DPP6: variants seen among roughly 807,000 people sequenced by gnomAD.
DPP6 encodes the protein dipeptidyl peptidase like 6.
Under a neutral mutation model 122.6 loss-of-function variants are expected in DPP6, and 69 were observed. The observed-to-expected ratio is 0.56, with a 90% confidence interval of 0.46 to 0.69. The LOEUF is 0.69. Among genes scored for constraint, DPP6 ranks in the 30% least tolerant of loss-of-function variants. The pLI is 0.00. For missense variants in DPP6, 928 were observed against 1,116.9 expected (o/e 0.83, Z 2.41); for synonymous variants, 418 against 433.1 (o/e 0.97, Z 0.43).
At chr7:154,477,025 A>C (rs368138192) in intron 3 of DPP6, among the ~76,000 whole-genome samples, 74 of 152,074 alleles carry the variant, frequency 4.9e-4, no homozygotes, top group African/African-American at 1.6e-3. Flanking sequence ...GCTGCGGTTA[A>C]CTGTAATCAT....
intron 22 of DPP6, 25 bp downstream of exon 22, chr7:154,885,769 G>T (rs370751574): frequency 7.0e-6 from 11 of 1,560,628 alleles, no homozygotes; most frequent in South Asian, 1.2e-5. Context: ...AGGACCAAGC[G>T]ACGGGCTCTG....
chr7:153,791,700 A>G, the DPP6 span, among the ~76,000 whole-genome samples: 246 of 152,244 alleles, frequency 1.6e-3, no homozygotes, highest in African/African-American at 5.3e-3. Flanking sequence ...GATTACAGGC[A>G]TGAGCCACTG....
the DPP6 span, among the ~76,000 whole-genome samples, chr7:153,860,392 G>A: frequency 1.3e-5 from 2 of 152,100 alleles, no homozygotes; most frequent in African/African-American, 4.8e-5. Context: ...TTTGGCCAGT[G>A]GGAGGCACTG....
intron 1 of DPP6, among the ~76,000 whole-genome samples, chr7:154,330,934 T>C (rs1309610238): frequency 6.6e-6 from 1 of 152,194 alleles, no homozygotes; most frequent in Non-Finnish European, 1.5e-5. Context: ...TCTGTTGCAT[T>C]CTCCAGCTCC....
chr7:154,365,649 T>A (rs552456789), intron 1 of DPP6, among the ~76,000 whole-genome samples: 166 of 152,288 alleles, frequency 1.1e-3, no homozygotes, highest in African/African-American at 3.9e-3. Context: ...ACATTCACCG[T>A]CCTTCTTAAA....
intron 1 of DPP6, among the ~76,000 whole-genome samples, chr7:154,287,949 A>G (rs1350217938): frequency 3.9e-5 from 6 of 152,214 alleles, no homozygotes; most frequent in Non-Finnish European, 7.3e-5. Flanking sequence ...TCACTGCAAT[A>G]GTCTTTCTTC....
At chr7:153,842,575 C>T in the DPP6 span, among the ~76,000 whole-genome samples, 287 of 152,028 alleles carry the variant, frequency 1.9e-3, 2 homozygotes, top group African/African-American at 6.6e-3. Context: ...TCTTAATTAC[C>T]TCATAATCAT....
intron 1 of DPP6, among the ~76,000 whole-genome samples, chr7:154,414,374 A>C (rs772464389): frequency 2.0e-5 from 3 of 152,230 alleles, no homozygotes; most frequent in Admixed American, 6.5e-5. Context: ...GAATCAATCA[A>C]TCAATCGTAC....
intron 11 of DPP6, among the ~76,000 whole-genome samples, chr7:154,794,934 G>A (rs1797947840): frequency 6.7e-6 from 1 of 148,614 alleles, no homozygotes; most frequent in South Asian, 2.1e-4. Context: ...TCCTGGCTGA[G>A]GGGGGCCAAG....
At chr7:154,093,350 A>G (rs1195222046) in intron 1 of DPP6, among the ~76,000 whole-genome samples, 4 of 147,296 alleles carry the variant, frequency 2.7e-5, no homozygotes, top group Admixed American at 6.9e-5. Flanking sequence ...TACACAGCAT[A>G]CACATGCATG....
At chr7:154,858,093 A>C (rs1387474792) in intron 17 of DPP6, 1 of 152,248 alleles carries the variant, frequency 6.6e-6, no homozygotes, top group Non-Finnish European at 1.5e-5. Flanking sequence ...AGGGGGCCAG[A>C]GAAAGGCTGG....
intron 1 of DPP6, among the ~76,000 whole-genome samples, chr7:153,994,693 A>G (rs1797344134): frequency 6.6e-6 from 1 of 152,220 alleles, no homozygotes; most frequent in African/African-American, 2.4e-5. Context: ...TAAAATTTTA[A>G]TTTCATGAGA....
chr7:154,724,534 A>G (rs1398024788), intron 7 of DPP6, among the ~76,000 whole-genome samples: 19 of 151,726 alleles, frequency 1.3e-4, no homozygotes, highest in Non-Finnish European at 2.5e-4. Flanking sequence ...CTGCCTCCAT[A>G]CTCATCTTCA....
intron 1 of DPP6, among the ~76,000 whole-genome samples, chr7:154,438,264 G>A (rs1161433194): frequency 1.3e-5 from 2 of 151,864 alleles, no homozygotes; most frequent in Non-Finnish European, 2.9e-5. Flanking sequence ...TCAGGAGATC[G>A]AGACCATCCT....
At chr7:154,309,020 A>C (rs1254643661) in intron 1 of DPP6, among the ~76,000 whole-genome samples, 1 of 152,216 alleles carries the variant, frequency 6.6e-6, no homozygotes, top group East Asian at 1.9e-4. Context: ...TGTGTCACAA[A>C]ATCAGAGTTG....
At chr7:154,796,015 C>G in intron 12 of DPP6, 132 bp downstream of exon 12, 1 of 1,374,764 alleles carries the variant, frequency 7.3e-7, no homozygotes, top group East Asian at 2.6e-5. Flanking sequence ...CAGAAACAGA[C>G]GGCGTGCCGG....
At chr7:153,923,780 A>AAAG (rs1236817339) in intron 1 of DPP6, among the ~76,000 whole-genome samples, 1 of 151,054 alleles carries the variant, frequency 6.6e-6, no homozygotes, top group Admixed American at 6.6e-5. Context: ...AAAAAAAAAA[A>AAAG]AAGAAGATTC....
At chr7:154,278,009 T>C (rs1256528929) in intron 1 of DPP6, among the ~76,000 whole-genome samples, 1 of 152,188 alleles carries the variant, frequency 6.6e-6, no homozygotes, top group East Asian at 1.9e-4. Context: ...GGAAGGACCA[T>C]GGGACTCTTC....
intron 1 of DPP6, among the ~76,000 whole-genome samples, chr7:153,989,881 C>T (rs1797068030): frequency 6.6e-6 from 1 of 151,658 alleles, no homozygotes; most frequent in Non-Finnish European, 1.5e-5. Context: ...GGCCCTGTCT[C>T]CAATGTCCCC....
Sources: gnomAD v4.1 joint callset for allele counts (sites outside exome capture counted in the v4.1 genomes callset) on GRCh38, gnomAD v4.1.1 for gene constraint, MANE v1.5 for transcripts, NCBI Gene and HGNC (gene_info 2026-07-23, HGNC 2026-07-21) for gene names.